Variants in MTMR14 observed in about 807,000 individuals in gnomAD.
MTMR14 encodes myotubularin related protein 14.
Under a neutral mutation model 86.3 loss-of-function variants are expected in MTMR14, and 48 were observed. The observed-to-expected ratio is 0.56, with a 90% CI of 0.44 to 0.71. The LOEUF (loss-of-function observed/expected upper bound fraction) is 0.71, where lower values mean the gene tolerates loss of function less well. MTMR14 is among the 30% of genes least tolerant of loss of function. MTMR14 has a pLI of 0.00. For missense variants in MTMR14, 780 were observed against 834.6 expected, an observed-to-expected ratio of 0.93 and a Z score of 0.81; for synonymous variants, 366 against 326.1, an observed-to-expected ratio of 1.12 and a Z score of -1.32.
At chr3:9,682,267 G>A (rs1296394635) in intron 9 of MTMR14, among the ~76,000 whole-genome samples, 1 of 152,192 alleles carries the variant, frequency 6.6e-6, no homozygotes. Flanking sequence ...GGGAGGGTCA[G>A]GTAAATGAGG....
chr3:9,682,148 A>G (rs2075789145), intron 9 of MTMR14, among the ~76,000 whole-genome samples: 2 of 152,214 alleles, frequency 1.3e-5, no homozygotes, highest in South Asian at 4.1e-4. Context: ...GTTGAGCCAG[A>G]TGAGTTGAGA....
chr3:9,688,317 C>G lies in MTMR14; in HGVS notation c.1236-379C>G, dbSNP rs1369713472. Among the ~76,000 whole-genome samples, 3 of 152,238 alleles carry G rather than the reference C, an allele frequency of 2.0e-5. No individual in the cohort carries two copies. The East Asian group carries it at 5.8e-4, about 29-fold the overall frequency. On this transcript the variant is annotated intron_variant, in intron 14 of 18. Transcript: ENST00000296003. ...CCTACAAAAGGGCAGAAGTCTGCTT[C>G]CGGCCTGGGAAATGCAAGAGTCTTG...
intron 13 of MTMR14, among the ~76,000 whole-genome samples, chr3:9,687,597 C>T (rs2076002246): frequency 6.6e-6 from 1 of 151,948 alleles, no homozygotes; most frequent in Non-Finnish European, 1.5e-5. Context: ...CTGGCAGTCC[C>T]AGGAAGGAAA....
In MTMR14 at chr3:9,649,672, G is replaced by A. The variant is rs1221251666; in HGVS notation, c.89G>A (p.Gly30Glu). The change falls in exon 1 of 19, where the codon GGG becomes GAG. Residue 30 changes from glycine to glutamate, a missense_variant. Physicochemically the swap from Gly to Glu is moderately conservative, Grantham distance 98 (BLOSUM62 -2). Transcript: ENST00000296003. ...GNQPPQELGL[G>E]ELLEEFSRTQ... is the part of the protein sequence containing the mutation. ...CAGCCGCCTCAGGAGCTGGGGCTTG[G>A]GGAGCTGCTGGAGGAGTTCTCCCGG... 1.2e-6 allele frequency: 2 copies of A among 1,606,088 alleles called. No individual in the cohort carries two copies. The highest frequency in any genetic ancestry group is 1.7e-6 in the Non-Finnish European group (2 of 1,176,682).
At chr3:9,659,873 G>A in intron 2 of MTMR14, 2 of 455,302 alleles carry the variant, frequency 4.4e-6, no homozygotes, top group Admixed American at 4.7e-5. Context: ...CACCAGGGGT[G>A]TTTTGTTTGT....
chr3:9,702,285 A>G lies in MTMR14; in HGVS notation c.*312A>G. The G allele has an allele frequency of 2.2e-6, 1 of 458,560 alleles. No individual in the cohort carries two copies. Among genetic ancestry groups the G allele is most frequent in the South Asian group, 2.1e-5 (1 of 46,972 alleles). 28.4% of individuals were successfully genotyped at this position (458,560 alleles called of 1,614,324 possible). A position where few individuals can be genotyped will look rare whatever the true frequency, so the allele number is the denominator to read the frequency against. ...CCTTGTGGAAGCCATGACTTCACAA[A>G]GACCCTACCTGTCAGTTCTTGTTTC... On this transcript the variant is annotated 3_prime_UTR_variant, in exon 19 of 19. Transcript: ENST00000296003.
chr3:9,698,249 G>C (rs969051687), intron 18 of MTMR14, among the ~76,000 whole-genome samples: 16 of 152,264 alleles, frequency 1.1e-4, no homozygotes, highest in African/African-American at 3.9e-4. Context: ...AGTGGTGCTG[G>C]GTTAGCCCGA....
intron 17 of MTMR14, among the ~76,000 whole-genome samples, chr3:9,694,979 G>A (rs186789317): frequency 6.7e-4 from 102 of 152,322 alleles, no homozygotes; most frequent in African/African-American, 2.4e-3. Context: ...CCTCTGAAGC[G>A]TTGTTCAGCT....
chr3:9,698,180 C>T (rs1003923953), intron 18 of MTMR14, among the ~76,000 whole-genome samples: 9 of 152,026 alleles, frequency 5.9e-5, no homozygotes, highest in African/African-American at 2.2e-4. Context: ...ACATGAGAAT[C>T]GTTTGAAGGC....
At chr3:9,670,432 CT>C in intron 5 of MTMR14, among the ~76,000 whole-genome samples, 1 of 152,350 alleles carries the variant, frequency 6.6e-6, no homozygotes, top group East Asian at 1.9e-4. Context: ...GTAATGGCGA[CT>C]GTTTATGCTT....
chr3:9,651,409 G>T (rs757680994), intron 1 of MTMR14, among the ~76,000 whole-genome samples: 7 of 152,102 alleles, frequency 4.6e-5, no homozygotes, highest in Non-Finnish European at 1.0e-4. Flanking sequence ...GGCCAGTAAG[G>T]GTCTTTTGAG....
chr3:9,695,117 G>A (rs1188360314), intron 17 of MTMR14, among the ~76,000 whole-genome samples: 1 of 152,198 alleles, frequency 6.6e-6, no homozygotes, highest in African/African-American at 2.4e-5. Flanking sequence ...GGCTCTTGTT[G>A]AAGCTGGTTA....
chr3:9,649,505 A>G lies in MTMR14; in HGVS notation c.-79A>G, dbSNP rs2047152589. On this transcript the variant is annotated 5_prime_UTR_variant, in exon 1 of 19. Transcript: ENST00000296003. ...AAGGCGGTGGCTGAGGCGGTTCCGGAGGTTCTAGTGTCGGAGTTGGGTGCA... is the reference window on the plus strand; with the variant it reads ...AAGGCGGTGGCTGAGGCGGTTCCGGGGGTTCTAGTGTCGGAGTTGGGTGCA... 1 of 1,470,738 alleles carries G rather than the reference A, an allele frequency of 6.8e-7. No individual in the cohort carries two copies. Among genetic ancestry groups the G allele is most frequent in the Non-Finnish European group, 9.0e-7 (1 of 1,115,496 alleles). 91.1% of individuals were successfully genotyped at this position (1,470,738 alleles called of 1,614,324 possible).
chr3:9,685,214 C>T lies in MTMR14; in HGVS notation c.1131C>T (p.His377=). ...CTCTCTACCCTCCTTTTTTCAGGCA[C>T]ATGTTGGTAGATCGGCTCAGCAAAG... ...TVAYDWFLFG[H]MLVDRLSKGE... Residue 377 remains histidine (H), a synonymous_variant, in exon 13 of 19, where the codon CAC becomes CAT. Coordinates refer to ENST00000296003, the MANE Select transcript of MTMR14 (RefSeq NM_001077525.3). The T allele has an allele frequency of 6.2e-7, 1 of 1,614,148 alleles. No individual in the cohort carries two copies.
At chr3:9,654,766 G>T (rs776204747) in intron 2 of MTMR14, among the ~76,000 whole-genome samples, 1 of 152,222 alleles carries the variant, frequency 6.6e-6, no homozygotes, top group Non-Finnish European at 1.5e-5. Context: ...TCAATAACTT[G>T]TTAGAAACGC....
chr3:9,695,933 G>A (rs2076269040), intron 17 of MTMR14, among the ~76,000 whole-genome samples: 1 of 152,154 alleles, frequency 6.6e-6, no homozygotes, highest in Non-Finnish European at 1.5e-5. Flanking sequence ...TTTACAGACT[G>A]CCTGAGCCCA....
chr3:9,655,446 G>C (rs113266300), intron 2 of MTMR14, among the ~76,000 whole-genome samples: 3,733 of 147,716 alleles, frequency 0.025, 157 homozygotes, highest in African/African-American at 0.087. Context: ...CATTCTGTGA[G>C]AGCTCCCTTG....
chr3:9,650,852 A>G (rs539356107), intron 1 of MTMR14, among the ~76,000 whole-genome samples: 6 of 151,578 alleles, frequency 4.0e-5, no homozygotes, highest in African/African-American at 7.3e-5. Flanking sequence ...CAGTGGCGCA[A>G]TCTCAGCTTA....
In MTMR14 at chr3:9,669,433, G is replaced by T. The variant is rs1304654551; in HGVS notation, c.495G>T (p.Gly165=). The part of the protein sequence containing the change: ...GRSGYNYFFS[G]GADDAWADVE... Reference sequence around the variant, plus strand: ...CTGACAGATAGGTTTCTCTGGCAGGGGGTGCAGATGATGCCTGGGCAGATG... The same window carrying T: ...CTGACAGATAGGTTTCTCTGGCAGGTGGTGCAGATGATGCCTGGGCAGATG... Residue 165 remains glycine, a splice_region_variant and synonymous_variant, in exon 5 of 19, where the codon GGG becomes GGT. Transcript: ENST00000296003. 1 of 1,613,862 alleles carries T rather than the reference G, an allele frequency of 6.2e-7. No homozygotes were observed. Among genetic ancestry groups the T allele is most frequent in the Non-Finnish European group, 8.5e-7 (1 of 1,179,912 alleles).
Sources: allele counts gnomAD v4.1 joint callset (sites outside exome capture counted in the v4.1 genomes callset), GRCh38; gene constraint gnomAD v4.1.1; transcripts MANE v1.5; gene names NCBI Gene and HGNC (gene_info 2026-07-23, HGNC 2026-07-21).